The following EYS variants were observed in gnomAD, a reference collection of about 807,000 sequenced individuals.
EYS encodes protein eyes shut homolog.
A neutral mutation model predicts 282.1 loss-of-function variants in EYS; 250 were observed. The observed-to-expected ratio is 0.89, with a 90% CI of 0.80 to 0.98. The LOEUF (loss-of-function observed/expected upper bound fraction) is 0.98, where lower values mean the gene tolerates loss of function less well. Among genes scored for constraint, EYS ranks in the 50% least tolerant of loss-of-function variants. The pLI is 0.00. For synonymous variants in EYS, 1,355 were observed against 1,282.9 expected (o/e 1.06, Z -1.20); for missense variants, 4,016 against 3,709.0 (o/e 1.08, Z -2.15).
intron 35 of EYS, among the ~76,000 whole-genome samples, chr6:63,868,057 C>A (rs1014784524): frequency 4.6e-5 from 7 of 152,006 alleles, no homozygotes; most frequent in Admixed American, 2.6e-4. Flanking sequence ...CACATATATC[C>A]GTCAAAGTAC....
At chr6:65,538,480 T>C (rs1768042559) in intron 2 of EYS, among the ~76,000 whole-genome samples, 1 of 152,160 alleles carries the variant, frequency 6.6e-6, no homozygotes, top group Admixed American at 6.6e-5. Flanking sequence ...TCACAAATAT[T>C]ACCTCATTTA....
chr6:63,861,798 T>C (rs892988597), intron 36 of EYS, among the ~76,000 whole-genome samples: 2 of 152,186 alleles, frequency 1.3e-5, no homozygotes, highest in Non-Finnish European at 2.9e-5. Flanking sequence ...ACAGTGAGAC[T>C]GCTGTCTATG....
intron 1 of EYS, among the ~76,000 whole-genome samples, chr6:65,704,989 G>A (rs1423417267): frequency 6.6e-6 from 1 of 151,992 alleles, no homozygotes; most frequent in African/African-American, 2.4e-5. Flanking sequence ...ATTTCCTCTG[G>A]GAACACATGG....
chr6:63,740,122 G>T (rs1769036041), intron 41 of EYS, among the ~76,000 whole-genome samples: 2 of 152,186 alleles, frequency 1.3e-5, no homozygotes, highest in Admixed American at 1.3e-4. Flanking sequence ...AGGTTGAAAT[G>T]CTATATTCCA....
chr6:63,752,078 T>TA (rs1464389453), intron 41 of EYS, among the ~76,000 whole-genome samples: 1 of 152,214 alleles, frequency 6.6e-6, no homozygotes, highest in Non-Finnish European at 1.5e-5. Context: ...GATGCCAAGG[T>TA]AAACTTTAAA....
intron 2 of EYS, among the ~76,000 whole-genome samples, chr6:65,512,629 A>C (rs2127290668): frequency 6.6e-6 from 1 of 152,292 alleles, no homozygotes; most frequent in East Asian, 1.9e-4. Flanking sequence ...CTCAGGATTA[A>C]GAAACTCACT....
intron 8 of EYS, among the ~76,000 whole-genome samples, chr6:65,371,313 A>G (rs1178742523): frequency 6.6e-6 from 1 of 151,730 alleles, no homozygotes; most frequent in African/African-American, 2.4e-5. Flanking sequence ...GTCCTTTTAT[A>G]TAAGAGACTG....
intron 2 of EYS, among the ~76,000 whole-genome samples, chr6:65,632,349 C>G (rs528980374): frequency 7.2e-5 from 11 of 152,252 alleles, no homozygotes; most frequent in African/African-American, 2.4e-4. Flanking sequence ...AGTGTAAATA[C>G]TCAAATAAAA....
chr6:63,885,988 A>T (rs1773252751), intron 35 of EYS, among the ~76,000 whole-genome samples: 1 of 152,212 alleles, frequency 6.6e-6, no homozygotes, highest in Non-Finnish European at 1.5e-5. Context: ...ATTCAAACTC[A>T]GCTGTCTTCA....
At chr6:63,780,996 T>C (rs569382303) in intron 39 of EYS, among the ~76,000 whole-genome samples, 2 of 152,382 alleles carry the variant, frequency 1.3e-5, no homozygotes, top group Admixed American at 1.3e-4. Context: ...AACCATTTAT[T>C]AAGTAGGGAA....
At chr6:65,430,944 C>T (rs1225014293) in intron 5 of EYS, among the ~76,000 whole-genome samples, 2 of 152,170 alleles carry the variant, frequency 1.3e-5, no homozygotes, top group Non-Finnish European at 2.9e-5. Context: ...AGGTGAGATG[C>T]AGCACATTAC....
At chr6:64,585,512 T>C (rs1766208226) in intron 26 of EYS, among the ~76,000 whole-genome samples, 2 of 152,114 alleles carry the variant, frequency 1.3e-5, no homozygotes, top group South Asian at 4.1e-4. Context: ...TGTTTTGCAA[T>C]TCTATGTGGT....
chr6:63,967,838 A>T (rs116469676), intron 35 of EYS, among the ~76,000 whole-genome samples: 1,709 of 152,190 alleles, frequency 0.011, 18 homozygotes, highest in Non-Finnish European at 0.017. Flanking sequence ...CCATACATGC[A>T]GTTCTATGTC....
chr6:64,589,594 T>C (rs3899909), intron 26 of EYS, among the ~76,000 whole-genome samples: 5 of 152,110 alleles, frequency 3.3e-5, no homozygotes, highest in African/African-American at 7.2e-5. Flanking sequence ...AGAACTGTTA[T>C]ATGAGAAAAC....
intron 33 of EYS, among the ~76,000 whole-genome samples, chr6:64,004,110 A>G (rs1768223700): frequency 6.6e-6 from 1 of 152,144 alleles, no homozygotes; most frequent in Non-Finnish European, 1.5e-5. Flanking sequence ...CCTGTTAAGC[A>G]GTCCTCTAAA....
At chr6:65,152,542 T>C (rs1371661252) in intron 12 of EYS, among the ~76,000 whole-genome samples, 2 of 151,752 alleles carry the variant, frequency 1.3e-5, no homozygotes, top group Admixed American at 1.3e-4. Context: ...CCATCTGCAA[T>C]CCAAGCAGAG....
chr6:65,221,191 C>T (rs1019095603), intron 12 of EYS, among the ~76,000 whole-genome samples: 1 of 152,168 alleles, frequency 6.6e-6, no homozygotes, highest in Non-Finnish European at 1.5e-5. Flanking sequence ...TGAGGAGAAA[C>T]TCAAGTTGGT....
chr6:63,863,427 A>G (rs1772584119), intron 36 of EYS, among the ~76,000 whole-genome samples: 1 of 152,100 alleles, frequency 6.6e-6, no homozygotes, highest in South Asian at 2.1e-4. Flanking sequence ...TTGATATGTA[A>G]TAACTGTATC....
At chr6:64,605,689 T>C (rs763126553) in intron 24 of EYS, among the ~76,000 whole-genome samples, 15 of 151,744 alleles carry the variant, frequency 9.9e-5, no homozygotes, top group Non-Finnish European at 1.8e-4. Context: ...GAACCCTGAG[T>C]ATGTACAAGT....
Sources: gnomAD v4.1 joint callset for allele counts (sites outside exome capture counted in the v4.1 genomes callset) on GRCh38, gnomAD v4.1.1 for gene constraint, MANE v1.5 for transcripts, NCBI Gene and HGNC (gene_info 2026-07-23, HGNC 2026-07-21) for gene names.